Variants in NTNG1 observed in about 807,000 individuals in gnomAD.
NTNG1 encodes netrin-G1.
NTNG1 carries 16 observed loss-of-function variants against 54.0 expected under a neutral mutation model. That is an observed-to-expected ratio of 0.30 (90% confidence interval 0.20 to 0.45). The LOEUF (loss-of-function observed/expected upper bound fraction) is 0.45, where lower values mean the gene tolerates loss of function less well. Among genes scored for constraint, NTNG1 ranks in the 20% least tolerant of loss-of-function variants. The probability of loss-of-function intolerance (pLI) is 1.00; values close to 1 mark genes in which losing one functional copy is unlikely to be tolerated. For synonymous variants in NTNG1, 255 were observed against 263.1 expected, an observed-to-expected ratio of 0.97 and a Z score of 0.30; for missense variants, 530 against 678.7, an observed-to-expected ratio of 0.78 and a Z score of 2.43.
intron 7 of NTNG1, among the ~76,000 whole-genome samples, chr1:107,465,281 C>T (rs1380001242): frequency 6.6e-6 from 1 of 152,110 alleles, no homozygotes; most frequent in Non-Finnish European, 1.5e-5. Context: ...AAATAGATAT[C>T]TGAGGCTATA....
At chr1:107,253,569 C>A (rs989218489) in intron 2 of NTNG1, among the ~76,000 whole-genome samples, 3 of 152,114 alleles carry the variant, frequency 2.0e-5, no homozygotes, top group Admixed American at 2.0e-4. Flanking sequence ...ATTTCATTTT[C>A]ATTTGTTGGG....
At chr1:107,294,312 A>T (rs1215898844) in intron 2 of NTNG1, among the ~76,000 whole-genome samples, 1 of 152,214 alleles carries the variant, frequency 6.6e-6, no homozygotes, top group African/African-American at 2.4e-5. Context: ...AAATTTGAGA[A>T]TCCCTAGGCT....
chr1:107,210,928 G>A (rs1401481947), intron 2 of NTNG1, among the ~76,000 whole-genome samples: 1 of 152,044 alleles, frequency 6.6e-6, no homozygotes, highest in African/African-American at 2.4e-5. Context: ...TTCTTTCTTA[G>A]CAATTGTCTT....
intron 4 of NTNG1, among the ~76,000 whole-genome samples, chr1:107,406,692 G>A (rs548482180): frequency 3.3e-5 from 5 of 152,228 alleles, no homozygotes; most frequent in Admixed American, 3.3e-4. Context: ...AACAATAATA[G>A]TAATCATCGC....
chr1:107,480,579 C>T (rs1678629731), intron 7 of NTNG1, 32 bp from the exon 8 acceptor site: 1 of 615,714 alleles, frequency 1.6e-6, no homozygotes, highest in Non-Finnish European at 3.0e-6. Context: ...TCCCCGCGCC[C>T]ACCCACCCCT....
At chr1:107,207,960 C>T (rs558213996) in intron 2 of NTNG1, among the ~76,000 whole-genome samples, 1 of 152,202 alleles carries the variant, frequency 6.6e-6, no homozygotes, top group Admixed American at 6.5e-5. Flanking sequence ...TCCAGTGACT[C>T]GCTACCAGGG....
At chr1:107,445,419 T>C (rs11185117) in intron 7 of NTNG1, among the ~76,000 whole-genome samples, 81,664 of 151,972 alleles carry the variant, frequency 0.54, 22,155 homozygotes, top group Middle Eastern at 0.58. Context: ...AGAATTATTA[T>C]TATTTTAAAA....
At chr1:107,218,882 G>A (rs1484455737) in intron 2 of NTNG1, among the ~76,000 whole-genome samples, 2 of 152,092 alleles carry the variant, frequency 1.3e-5, no homozygotes, top group African/African-American at 4.8e-5. Flanking sequence ...TATGTGCCTA[G>A]GTGATGATCT....
intron 3 of NTNG1, among the ~76,000 whole-genome samples, chr1:107,382,751 T>C (rs751700832): frequency 1.9e-4 from 29 of 152,130 alleles, no homozygotes; most frequent in Middle Eastern, 3.4e-3. Flanking sequence ...TTTTTGGTTT[T>C]GTTTTCCCTT....
intron 2 of NTNG1, among the ~76,000 whole-genome samples, chr1:107,151,122 T>C (rs1226046450): frequency 2.6e-5 from 4 of 152,222 alleles, no homozygotes; most frequent in African/African-American, 7.2e-5. Context: ...GCTTAATTTG[T>C]ATTCCTTAAT....
intron 4 of NTNG1, among the ~76,000 whole-genome samples, chr1:107,401,998 C>T (rs1239616938): frequency 6.6e-6 from 1 of 152,148 alleles, no homozygotes; most frequent in African/African-American, 2.4e-5. Flanking sequence ...TTACCTGCTA[C>T]AGTCATTATC....
intron 2 of NTNG1, among the ~76,000 whole-genome samples, chr1:107,204,761 A>G (rs1659048763): frequency 6.6e-6 from 1 of 152,118 alleles, no homozygotes; most frequent in Admixed American, 6.6e-5. Flanking sequence ...ATGGGGTTTT[A>G]TCTTGAATCT....
chr1:107,319,235 A>C (rs1219017053), intron 2 of NTNG1, among the ~76,000 whole-genome samples: 2 of 152,100 alleles, frequency 1.3e-5, no homozygotes, highest in African/African-American at 4.8e-5. Context: ...GCCAAGCAAG[A>C]ATTTGGGAGC....
chr1:107,145,388 A>G (rs1331624096), intron 1 of NTNG1, among the ~76,000 whole-genome samples: 1 of 152,096 alleles, frequency 6.6e-6, no homozygotes, highest in Non-Finnish European at 1.5e-5. Context: ...TTTGAAGTAT[A>G]TGTGACACTG....
chr1:107,219,450 C>G (rs567573799), intron 2 of NTNG1, among the ~76,000 whole-genome samples: 7 of 152,166 alleles, frequency 4.6e-5, no homozygotes, highest in Non-Finnish European at 8.8e-5. Flanking sequence ...GGATCCATTA[C>G]TGGTAAACTA....
At position 107,481,522 on chromosome 1, in the gene NTNG1, T is replaced by C. The variant is rs1369388584; in HGVS notation, c.*682T>C. On this transcript the variant is annotated 3_prime_UTR_variant, in exon 8 of 8. Coordinates refer to ENST00000370068, the MANE Select transcript of NTNG1 (RefSeq NM_001113226.3). ...AGAGTGGCTATAGGAAAAAAGAAAG[T>C]GTATCTATCCTTTTGTATTCAAATG... is the stretch of plus-strand genomic sequence containing the variant. The C allele has an allele frequency of 1.3e-5, 2 of 152,634 alleles. No individual in the cohort carries two copies. Among genetic ancestry groups the C allele is most frequent in the African/African-American group, 4.8e-5 (2 of 41,450 alleles). The allele number at this position is 152,634 out of a possible 1,614,324, so 9.5% of individuals were successfully genotyped here. A position where few individuals can be genotyped will look rare whatever the true frequency, so the allele number is the denominator to read the frequency against.
At chr1:107,199,860 T>C (rs924285267) in intron 2 of NTNG1, among the ~76,000 whole-genome samples, 4 of 151,636 alleles carry the variant, frequency 2.6e-5, no homozygotes, top group African/African-American at 7.3e-5. Context: ...AAAATACAAA[T>C]CCTCTTGGCT....
In NTNG1 at chr1:107,325,019, C is replaced by T. The variant is rs113825565; in HGVS notation, c.887+97C>T. The T allele has an allele frequency of 0.029, 36,544 of 1,263,522 alleles. 714 individuals carry two copies. Among genetic ancestry groups the T allele is most frequent in the Non-Finnish European group, 0.033 (30,551 of 913,300 alleles). The allele number at this position is 1,263,522 out of a possible 1,614,324, so 78.3% of individuals were successfully genotyped here. ...GTAAAGTGACATTTGTCAATTTCTA[C>T]TGCAACGTTTTCTTCAGGAACTCCA... On this transcript the variant is annotated intron_variant, in intron 3 of 7. Coordinates refer to ENST00000370068, the MANE Select transcript of NTNG1 (RefSeq NM_001113226.3).
At chr1:107,269,211 A>G (rs1663964154) in intron 2 of NTNG1, among the ~76,000 whole-genome samples, 2 of 152,134 alleles carry the variant, frequency 1.3e-5, no homozygotes, top group African/African-American at 4.8e-5. Context: ...CTTCTACTAC[A>G]TCTTCAAGGA....
Sources: gnomAD v4.1 joint callset for allele counts (sites outside exome capture counted in the v4.1 genomes callset) on GRCh38, gnomAD v4.1.1 for gene constraint, MANE v1.5 for transcripts, NCBI Gene and HGNC (gene_info 2026-07-23, HGNC 2026-07-21) for gene names.